ADTRP: variants seen among roughly 807,000 people sequenced by gnomAD.
ADTRP encodes androgen dependent TFPI regulating protein.
Under a neutral mutation model 27.0 loss-of-function variants are expected in ADTRP, and 20 were observed. The observed-to-expected ratio is 0.74, with a 90% CI of 0.52 to 1.08. ADTRP has a LOEUF of 1.08. ADTRP is among the 50% of genes least tolerant of loss of function. The pLI, the probability that ADTRP is intolerant of heterozygous loss-of-function variation, is 0.00. For synonymous variants in ADTRP, 101 were observed against 105.2 expected, an observed-to-expected ratio of 0.96 and a Z score of 0.25; for missense variants, 251 against 275.0, an observed-to-expected ratio of 0.91 and a Z score of 0.62.
chr6:11,758,810 G>C (rs1763310340), intron 3 of ADTRP, among the ~76,000 whole-genome samples: 1 of 152,130 alleles, frequency 6.6e-6, no homozygotes. Context: ...TTGGTACATT[G>C]AGAAAGTGGG....
intron 1 of ADTRP, among the ~76,000 whole-genome samples, chr6:11,775,490 C>G (rs1179281419): frequency 6.6e-6 from 1 of 152,074 alleles, no homozygotes; most frequent in Non-Finnish European, 1.5e-5. Flanking sequence ...CCAGAGATCG[C>G]AATTGTAACC....
chr6:11,725,731 C>T (rs932285136), intron 4 of ADTRP, among the ~76,000 whole-genome samples: 1 of 152,026 alleles, frequency 6.6e-6, no homozygotes, highest in Non-Finnish European at 1.5e-5. Flanking sequence ...AACCCCATCT[C>T]TACTAAATAT....
rs750797165 is a variant in ADTRP at position 11,766,457 on chromosome 6, A to G, written c.289-82T>C. 1.1e-4 allele frequency: 111 copies of G among 1,001,026 alleles called. No homozygotes were observed. The Middle Eastern group carries it at 1.8e-3, about 17-fold the overall frequency. The allele number at this position is 1,001,026 out of a possible 1,614,324, so 62.0% of individuals were successfully genotyped here. On this transcript the variant is annotated intron_variant, in intron 2 of 5. Transcript: ENST00000414691. ...CTAAGATAATCAAGGAAACACAGCT[A>G]AATAAAAACAGACAACCATTTTAAA...
At chr6:11,761,963 G>C (rs1391730955) in intron 3 of ADTRP, among the ~76,000 whole-genome samples, 1 of 152,160 alleles carries the variant, frequency 6.6e-6, no homozygotes, top group Non-Finnish European at 1.5e-5. Flanking sequence ...GGTGGGAGGA[G>C]TTTGCAATGC....
Position 11,715,805 on chromosome 6 carries a change from G to GTTTTTTTTT in ADTRP, c.659-1294_659-1293insAAAAAAAAA, listed in dbSNP as rs1561736105. Among the ~76,000 whole-genome samples the GTTTTTTTTT allele has an allele frequency of 3.4e-5, 3 of 89,258 alleles. 1 individual carries two copies. 58.6% of individuals were successfully genotyped at this position (89,258 alleles called of 152,430 possible). On this transcript the variant is annotated intron_variant, in intron 5 of 5. Transcript: ENST00000414691. ...CTAGAGGTGCACACCACCATGCCCA[G>GTTTTTTTTT]CTTTTTTTTTTTTTTTTTTTTTTTT... is the stretch of plus-strand genomic sequence containing the variant.
intron 1 of ADTRP, chr6:11,769,907 T>C: frequency 9.1e-7 from 1 of 1,097,468 alleles, no homozygotes; most frequent in Non-Finnish European, 1.3e-6. Context: ...TAAAGCGGAC[T>C]TTTATTCATT....
chr6:11,770,295 A>T (rs1247816073), intron 1 of ADTRP, among the ~76,000 whole-genome samples: 2 of 152,202 alleles, frequency 1.3e-5, no homozygotes, highest in East Asian at 3.8e-4. Flanking sequence ...AAATCCTCCC[A>T]GGTGATTCTA....
intron 4 of ADTRP, among the ~76,000 whole-genome samples, chr6:11,734,329 T>C (rs1490585655): frequency 2.0e-5 from 3 of 152,248 alleles, no homozygotes; most frequent in African/African-American, 7.2e-5. Flanking sequence ...CAACTTTTTC[T>C]TGGTAATGCC....
intron 1 of ADTRP, among the ~76,000 whole-genome samples, chr6:11,776,508 A>G (rs1763959595): frequency 6.6e-6 from 1 of 152,232 alleles, no homozygotes; most frequent in African/African-American, 2.4e-5. Context: ...AGAAAACAAT[A>G]CTACATATAA....
chr6:11,756,883 T>C (rs1763229882), intron 3 of ADTRP, among the ~76,000 whole-genome samples: 1 of 152,220 alleles, frequency 6.6e-6, no homozygotes, highest in Non-Finnish European at 1.5e-5. Flanking sequence ...TTTGTAGAGA[T>C]TGAGGCATTT....
intron 3 of ADTRP, among the ~76,000 whole-genome samples, chr6:11,750,423 TAA>T (rs903481694): frequency 8.3e-4 from 126 of 152,328 alleles, no homozygotes; most frequent in African/African-American, 2.9e-3. Flanking sequence ...CTGGGTGCAT[TAA>T]AACCCAATCC....
At chr6:11,736,220 AAC>A (rs35684305) in intron 3 of ADTRP, 225 of 159,146 alleles carry the variant, frequency 1.4e-3, no homozygotes, top group South Asian at 4.1e-3. Flanking sequence ...CCTCTCCTAA[AAC>A]ACACACACAC....
chr6:11,746,346 G>T (rs1762865030), intron 3 of ADTRP, among the ~76,000 whole-genome samples: 1 of 152,172 alleles, frequency 6.6e-6, no homozygotes, highest in South Asian at 2.1e-4. Flanking sequence ...AGAAAGCGCT[G>T]TGGAGACACA....
intron 3 of ADTRP, among the ~76,000 whole-genome samples, chr6:11,763,033 AC>A (rs1185717011): frequency 6.6e-6 from 1 of 152,176 alleles, no homozygotes; most frequent in African/African-American, 2.4e-5. Flanking sequence ...TTTTATGAAG[AC>A]TGGAGAACTG....
intron 2 of ADTRP, 29 bp downstream of exon 2, chr6:11,768,218 GTT>G (rs1561773794): frequency 1.9e-6 from 3 of 1,612,504 alleles, no homozygotes; most frequent in Non-Finnish European, 2.5e-6. Context: ...GCACATTTCT[GTT>G]AGATTATGTA....
chr6:11,770,234 A>G, intron 1 of ADTRP: 1 of 728,770 alleles, frequency 1.4e-6, no homozygotes, highest in Non-Finnish European at 2.3e-6. Context: ...CCACCCCCAG[A>G]GATTCTAATG....
intron 5 of ADTRP, chr6:11,717,471 A>G: frequency 7.8e-7 from 1 of 1,286,946 alleles, no homozygotes; most frequent in Non-Finnish European, 1.0e-6. Context: ...GATACCATAT[A>G]TAATTATATG....
At chr6:11,724,281 A>T (rs1762117668) in intron 4 of ADTRP, among the ~76,000 whole-genome samples, 1 of 152,144 alleles carries the variant, frequency 6.6e-6, no homozygotes, top group South Asian at 2.1e-4. Context: ...TTAGCTCTCC[A>T]AGTCTGCGGG....
chr6:11,761,587 C>A (rs972371139), intron 3 of ADTRP, among the ~76,000 whole-genome samples: 4 of 152,112 alleles, frequency 2.6e-5, no homozygotes, highest in African/African-American at 7.2e-5. Flanking sequence ...CACATAAGGA[C>A]ACAATAGCCC....
Sources: allele counts gnomAD v4.1 joint callset (sites outside exome capture counted in the v4.1 genomes callset), GRCh38; gene constraint gnomAD v4.1.1; transcripts MANE v1.5; gene names NCBI Gene and HGNC (gene_info 2026-07-23, HGNC 2026-07-21).